ZNF407: variants seen among roughly 807,000 people sequenced by gnomAD.
The protein encoded by ZNF407 is zinc finger protein 407.
ZNF407 carries 17 observed loss-of-function variants against 131.2 expected under a neutral mutation model. The observed-to-expected ratio is 0.13, with a 90% CI of 0.09 to 0.19. ZNF407 has a LOEUF of 0.19. ZNF407 is among the 10% of genes least tolerant of loss of function. The pLI, the probability that ZNF407 is intolerant of heterozygous loss-of-function variation, is 1.00. For missense variants in ZNF407, 2,681 were observed against 2,830.6 expected, an observed-to-expected ratio of 0.95 and a Z score of 1.20; for synonymous variants, 1,156 against 1,062.0, an observed-to-expected ratio of 1.09 and a Z score of -1.72.
chr18:74,809,420 A>G (rs971668875), intron 4 of ZNF407, among the ~76,000 whole-genome samples: 3 of 152,226 alleles, frequency 2.0e-5, no homozygotes, highest in Non-Finnish European at 4.4e-5. Context: ...TGTACAAACT[A>G]GGAAAGTGCA....
At chr18:74,771,607 G>C (rs977367387) in intron 3 of ZNF407, among the ~76,000 whole-genome samples, 1 of 151,444 alleles carries the variant, frequency 6.6e-6, no homozygotes, top group Admixed American at 6.6e-5. Context: ...GTATGCCCCA[G>C]GTTTCTGACA....
At chr18:74,672,146 T>C (rs2144754044) in intron 3 of ZNF407, among the ~76,000 whole-genome samples, 1 of 152,066 alleles carries the variant, frequency 6.6e-6, no homozygotes. Context: ...CTTTCCACAA[T>C]GGTTGAACTA....
At chr18:74,953,810 C>T (rs573840338) in intron 8 of ZNF407, among the ~76,000 whole-genome samples, 5 of 152,190 alleles carry the variant, frequency 3.3e-5, no homozygotes, top group African/African-American at 9.6e-5. Context: ...ATTGTGTAGA[C>T]GGGAAATTTG....
chr18:74,859,548 A>G (rs1358224047), intron 4 of ZNF407, among the ~76,000 whole-genome samples: 1 of 152,208 alleles, frequency 6.6e-6, no homozygotes, highest in East Asian at 1.9e-4. Context: ...TTTGTAGGAA[A>G]GTAGAAAGAT....
At chr18:74,894,971 A>G (rs886640606) in intron 7 of ZNF407, among the ~76,000 whole-genome samples, 10 of 151,926 alleles carry the variant, frequency 6.6e-5, no homozygotes, top group African/African-American at 2.2e-4. Context: ...TTAACTATCT[A>G]CATCTTTCTC....
chr18:74,683,174 C>A (rs907100774), intron 3 of ZNF407, among the ~76,000 whole-genome samples: 1 of 152,082 alleles, frequency 6.6e-6, no homozygotes, highest in Non-Finnish European at 1.5e-5. Flanking sequence ...GAGTCATCAG[C>A]AAAAGGCTTT....
At chr18:74,802,432 T>G (rs1970035676) in intron 4 of ZNF407, among the ~76,000 whole-genome samples, 2 of 152,344 alleles carry the variant, frequency 1.3e-5, no homozygotes, top group Non-Finnish European at 2.9e-5. Context: ...ATTTTTATTT[T>G]GTTGCAGATG....
chr18:74,939,133 T>C (rs186234371), intron 8 of ZNF407, among the ~76,000 whole-genome samples: 17 of 152,366 alleles, frequency 1.1e-4, no homozygotes, highest in Admixed American at 9.8e-4. Flanking sequence ...TTTTAGGGCA[T>C]GATTTCTATT....
chr18:74,943,060 C>T (rs1257270507), intron 8 of ZNF407, among the ~76,000 whole-genome samples: 2 of 151,906 alleles, frequency 1.3e-5, no homozygotes, highest in Non-Finnish European at 2.9e-5. Flanking sequence ...GGGCTACAGG[C>T]ACATGCCACC....
At chr18:74,743,377 G>A (rs954876662) in intron 3 of ZNF407, among the ~76,000 whole-genome samples, 1 of 152,114 alleles carries the variant, frequency 6.6e-6, no homozygotes, top group African/African-American at 2.4e-5. Context: ...GTGTGTGTGT[G>A]TGTATTTTCA....
intron 8 of ZNF407, among the ~76,000 whole-genome samples, chr18:74,965,179 T>A (rs552111047): frequency 1.1e-4 from 16 of 152,278 alleles, no homozygotes; most frequent in African/African-American, 3.9e-4. Context: ...ATACTCTTAT[T>A]TTAAAATGTA....
chr18:74,711,281 A>G (rs1413650401), intron 3 of ZNF407, among the ~76,000 whole-genome samples: 2 of 152,176 alleles, frequency 1.3e-5, no homozygotes, highest in Non-Finnish European at 2.9e-5. Flanking sequence ...ACCTGTGACT[A>G]CATTATTTTG....
intron 3 of ZNF407, among the ~76,000 whole-genome samples, chr18:74,757,200 T>C (rs1968983985): frequency 6.6e-6 from 1 of 151,910 alleles, no homozygotes. Context: ...CTTTTATTCG[T>C]TTATTTTATT....
rs867487087 is a variant in ZNF407 at position 74,658,136 on chromosome 18, G to A, written c.4802+17014G>A. 7.6e-5 allele frequency among the ~76,000 whole-genome samples: 11 copies of A among 144,182 alleles called. No homozygotes were observed. In the South Asian group the frequency reaches 1.3e-3, roughly 17 times the overall value. 94.6% of individuals were successfully genotyped at this position (144,182 alleles called of 152,430 possible). A position where few individuals can be genotyped will look rare whatever the true frequency, so the allele number is the denominator to read the frequency against. The stretch of plus-strand genomic sequence containing the variant: ...TATTTATTTATTTATTTTTTGAGAC[G>A]GAGCCTCGCTCTGTAGCCCAGGCTG... On this transcript the variant is annotated intron_variant, in intron 3 of 8. Coordinates refer to ENST00000299687, the MANE Select transcript of ZNF407 (RefSeq NM_017757.3).
chr18:75,035,181 C>A (rs774089909), intron 8 of ZNF407, among the ~76,000 whole-genome samples: 1 of 152,218 alleles, frequency 6.6e-6, no homozygotes, highest in East Asian at 1.9e-4. Flanking sequence ...ATGTGTTTTG[C>A]ATCTTCCCAT....
chr18:74,964,148 A>C (rs1210778236), intron 8 of ZNF407, among the ~76,000 whole-genome samples: 2 of 152,160 alleles, frequency 1.3e-5, no homozygotes, highest in African/African-American at 4.8e-5. Flanking sequence ...TATATAACAG[A>C]CTTTCATATG....
intron 8 of ZNF407, among the ~76,000 whole-genome samples, chr18:74,989,083 T>C (rs1006821610): frequency 6.6e-6 from 1 of 152,148 alleles, no homozygotes; most frequent in African/African-American, 2.4e-5. Context: ...CAAATGTCTA[T>C]CAAAAGATAA....
chr18:74,660,139 C>T (rs1985649875), intron 3 of ZNF407, among the ~76,000 whole-genome samples: 1 of 152,024 alleles, frequency 6.6e-6, no homozygotes, highest in Middle Eastern at 3.2e-3. Flanking sequence ...GAGTTAAATA[C>T]TTTAAAATGC....
chr18:74,756,263 C>T (rs1052203990), intron 3 of ZNF407, among the ~76,000 whole-genome samples: 13 of 152,060 alleles, frequency 8.5e-5, no homozygotes, highest in African/African-American at 3.1e-4. Flanking sequence ...GTGAGTCCTT[C>T]AACCTTATTC....
Sources: allele counts gnomAD v4.1 joint callset (sites outside exome capture counted in the v4.1 genomes callset), GRCh38; gene constraint gnomAD v4.1.1; transcripts MANE v1.5; gene names NCBI Gene and HGNC (gene_info 2026-07-23, HGNC 2026-07-21).